COG2: variants seen among roughly 807,000 people sequenced by gnomAD.
COG2 encodes conserved oligomeric Golgi complex subunit 2.
In COG2, 52 loss-of-function variants were observed where a neutral mutation model predicts 90.6. The observed-to-expected ratio is 0.57, with a 90% CI of 0.46 to 0.72. The LOEUF is 0.72. COG2 is among the 30% of genes least tolerant of loss of function. The probability of loss-of-function intolerance (pLI) is 0.00; values close to 1 mark genes in which losing one functional copy is unlikely to be tolerated. For synonymous variants in COG2, 337 were observed against 320.4 expected, an observed-to-expected ratio of 1.05 and a Z score of -0.55; for missense variants, 829 against 891.2, an observed-to-expected ratio of 0.93 and a Z score of 0.89.
intron 17 of COG2, 30 bp downstream of exon 17, chr1:230,691,594 G>A (rs369354794): frequency 9.3e-5 from 148 of 1,589,570 alleles, no homozygotes; most frequent in Middle Eastern, 2.1e-4. Context: ...CAGCTCCAGC[G>A]AGCCTGAAAC....
rs779990231 is a variant in COG2 at position 230,675,024 on chromosome 1, A to G, written c.926A>G (p.Tyr309Cys). The G allele has an allele frequency of 2.1e-5, 34 of 1,612,042 alleles. No homozygotes were observed. The highest frequency in any genetic ancestry group is 2.8e-5 in the Non-Finnish European group (33 of 1,178,970). Residue 309 changes from tyrosine to cysteine, a missense_variant, in exon 9 of 18, where the codon TAT becomes TGT. Coordinates refer to ENST00000366669, the MANE Select transcript of COG2 (RefSeq NM_007357.3). ...GAAAAAGGCAATACTGTTCCTGGAT[A>G]TGACTTTTTGGTGAATTCTGTTTGG... ...SSEKGNTVPGYDFLVNSVWPQ... is the reference protein window; with the variant it reads ...SSEKGNTVPGCDFLVNSVWPQ...
chr1:230,685,033 CT>C (rs1558279209), intron 11 of COG2, 51 bp from the exon 12 acceptor site: 3 of 1,568,790 alleles, frequency 1.9e-6, no homozygotes, highest in Non-Finnish European at 2.6e-6. Flanking sequence ...AGACTATAGC[CT>C]AAAATTGCCT....
intron 17 of COG2, 192 bp downstream of exon 17, chr1:230,691,756 T>G (rs748063544): frequency 1.3e-5 from 7 of 545,200 alleles, no homozygotes; most frequent in South Asian, 2.5e-5. Flanking sequence ...AATATGAGAA[T>G]TCCCGTTTTG....
chr1:230,687,095 T>C lies in COG2; in HGVS notation c.1541T>C (p.Val514Ala). 1 of 1,613,102 alleles carries C rather than the reference T, an allele frequency of 6.2e-7. No individual in the cohort carries two copies. The highest frequency in any genetic ancestry group is 8.5e-7 in the Non-Finnish European group (1 of 1,179,454). ...PVVSISRTQL[V>A]YVVADLDKLQ... ...GTTTCCATTTCCCGCACTCAGCTCG[T>C]GTATGTGGTTGCAGACCTGGACAAG... Residue 514 changes from valine (V) to alanine (A), a missense_variant, in exon 13 of 18, where the codon GTG becomes GCG. Coordinates refer to ENST00000366669, the MANE Select transcript of COG2 (RefSeq NM_007357.3).
Position 230,663,122 on chromosome 1 carries a change from T to C in COG2, c.301-19T>C, listed in dbSNP as rs1181012422. 1 of 1,583,986 alleles carries C rather than the reference T, an allele frequency of 6.3e-7. No individual in the cohort carries two copies. The highest frequency in any genetic ancestry group is 1.2e-5 in the South Asian group (1 of 85,250). On this transcript the variant is annotated intron_variant, in intron 3 of 17. Coordinates refer to ENST00000366669, the MANE Select transcript of COG2 (RefSeq NM_007357.3). The stretch of plus-strand genomic sequence containing the variant: ...TACAAAACAATCTCTGCAGTACTTT[T>C]TTTTTTTGTCTTTTAAAGAGCCTTA...
intron 16 of COG2, among the ~76,000 whole-genome samples, chr1:230,690,515 A>G (rs917479782): frequency 6.6e-6 from 1 of 152,258 alleles, no homozygotes; most frequent in Non-Finnish European, 1.5e-5. Context: ...GGCTCTAATC[A>G]TAACAGATAC....
At chr1:230,669,324 C>T (rs1354379702) in intron 6 of COG2, 32 bp from the exon 7 acceptor site, 58 of 1,563,216 alleles carry the variant, frequency 3.7e-5, no homozygotes, top group Admixed American at 1.5e-4. Flanking sequence ...ACAACTAGAG[C>T]TTTTTTTTTA....
chr1:230,691,113 A>G (rs1393783219), intron 16 of COG2, among the ~76,000 whole-genome samples: 4 of 152,122 alleles, frequency 2.6e-5, no homozygotes, highest in Admixed American at 6.5e-5. Flanking sequence ...CCACACACAC[A>G]CATATTTCTT....
rs113882015 is a variant in COG2 at position 230,669,112 on chromosome 1, T to C, written c.595-244T>C. On this transcript the variant is annotated intron_variant, in intron 6 of 17. Coordinates refer to ENST00000366669, the MANE Select transcript of COG2 (RefSeq NM_007357.3). ...GTTTCCTCAAGATTGACTTCGTAGC[T>C]TAAGAGGAAGGTAACTTTTTTCTCA... 1,536 of 463,152 alleles carry C rather than the reference T, an allele frequency of 3.3e-3. 19 individuals are homozygous for C. The highest frequency in any genetic ancestry group is 0.027 in the African/African-American group (1,375 of 50,688). The allele number at this position is 463,152 out of a possible 1,614,324, so 28.7% of individuals were successfully genotyped here.
intron 12 of COG2, among the ~76,000 whole-genome samples, chr1:230,685,805 C>T (rs889398550): frequency 1.3e-5 from 2 of 152,196 alleles, no homozygotes; most frequent in Non-Finnish European, 2.9e-5. Context: ...GTGCTGAGCA[C>T]CAGCCCGGCG....
intron 15 of COG2, among the ~76,000 whole-genome samples, chr1:230,689,139 T>C (rs1274639959): frequency 2.0e-5 from 3 of 152,156 alleles, no homozygotes; most frequent in Non-Finnish European, 4.4e-5. Context: ...GAGACCAGCC[T>C]GGGCAATGTC....
At chr1:230,650,260 C>G (rs1274523613) in intron 1 of COG2, among the ~76,000 whole-genome samples, 2 of 152,116 alleles carry the variant, frequency 1.3e-5, no homozygotes, top group Non-Finnish European at 2.9e-5. Context: ...AATGGTAGTT[C>G]TATTTTTAGT....
chr1:230,684,775 C>T (rs1004136850), intron 11 of COG2, among the ~76,000 whole-genome samples: 2 of 152,152 alleles, frequency 1.3e-5, no homozygotes, highest in Non-Finnish European at 2.9e-5. Context: ...CCACTCCAGC[C>T]CATGTTTGTC....
chr1:230,648,447 G>A (rs762834161), intron 1 of COG2, among the ~76,000 whole-genome samples: 1 of 152,190 alleles, frequency 6.6e-6, no homozygotes, highest in Non-Finnish European at 1.5e-5. Flanking sequence ...ATATATTTGA[G>A]ACTGATTGTC....
chr1:230,645,250 A>T (rs955541685), intron 1 of COG2, among the ~76,000 whole-genome samples: 20 of 151,636 alleles, frequency 1.3e-4, no homozygotes, highest in African/African-American at 4.8e-4. Context: ...AAAAAAAAAA[A>T]AAAAAAGAAA....
chr1:230,653,784 G>A (rs1028340098), intron 1 of COG2, among the ~76,000 whole-genome samples: 1 of 152,120 alleles, frequency 6.6e-6, no homozygotes, highest in Non-Finnish European at 1.5e-5. Flanking sequence ...TCAAAATGGG[G>A]TGTAGGGCAT....
chr1:230,657,741 A>G (rs1299548661), intron 1 of COG2, among the ~76,000 whole-genome samples: 3 of 151,840 alleles, frequency 2.0e-5, no homozygotes, highest in African/African-American at 7.3e-5. Context: ...CTAGTCCCAT[A>G]TTTCTTGAAG....
intron 9 of COG2, among the ~76,000 whole-genome samples, chr1:230,677,421 T>A (rs1455750977): frequency 6.6e-6 from 1 of 152,000 alleles, no homozygotes; most frequent in Non-Finnish European, 1.5e-5. Flanking sequence ...CATTGGGAGG[T>A]TTACCATTCC....
In COG2 at chr1:230,685,197, T is replaced by A; in HGVS notation, c.1341T>A (p.Thr447=). The A allele has an allele frequency of 6.2e-7, 1 of 1,614,212 alleles. No homozygotes were observed. The highest frequency in any genetic ancestry group is 8.5e-7 in the Non-Finnish European group (1 of 1,180,022). ...PLLVHRLWRL[T]LQILARYSVF... is the part of the protein sequence containing the mutation. ...TGGTGCATCGCCTGTGGAGACTCACTCTGCAGATTTTGGCACGATACTCTG... is the reference window on the plus strand; with the variant it reads ...TGGTGCATCGCCTGTGGAGACTCACACTGCAGATTTTGGCACGATACTCTG... The change falls in exon 12 of 18, where the codon ACT becomes ACA. Residue 447 remains threonine, a synonymous_variant. Transcript: ENST00000366669.
Sources: gnomAD v4.1 joint callset for allele counts (sites outside exome capture counted in the v4.1 genomes callset) on GRCh38, gnomAD v4.1.1 for gene constraint, MANE v1.5 for transcripts, NCBI Gene and HGNC (gene_info 2026-07-23, HGNC 2026-07-21) for gene names.